Variants in COL4A2 observed in about 807,000 individuals in gnomAD.
COL4A2 encodes the protein collagen type IV alpha 2 chain, also known as collagen alpha-2(IV) chain.
In COL4A2, 99 loss-of-function variants were observed where a neutral mutation model predicts 200.2. The observed-to-expected ratio is 0.49, with a 90% confidence interval of 0.42 to 0.58. COL4A2 has a LOEUF of 0.58. Among genes scored for constraint, COL4A2 ranks in the 20% least tolerant of loss-of-function variants. COL4A2 has a pLI of 0.00. For missense variants in COL4A2, 1,950 were observed against 2,314.1 expected (o/e 0.84, Z 3.23); for synonymous variants, 897 against 900.6 (o/e 1.00, Z 0.07).
chr13:110,408,920 C>T (rs781232011), intron 4 of COL4A2, among the ~76,000 whole-genome samples: 1 of 58,688 alleles, frequency 1.7e-5, no homozygotes, highest in Non-Finnish European at 3.5e-5. Context: ...TACACATGCA[C>T]ACACACGTAC....
rs964088910 is a variant in COL4A2 at position 110,512,932 on chromosome 13, T to A, written c.*741T>A. On this transcript the variant is annotated 3_prime_UTR_variant, in exon 48 of 48. Transcript: ENST00000360467. The stretch of plus-strand genomic sequence containing the variant: ...CACTGCCCCACGTTGTCCCTGAGAT[T>A]TAACCCCTCCACTGCTGGGGGTGAG... 6.6e-6 allele frequency: 1 copy of A among 152,170 alleles called. No individual in the cohort carries two copies. Among genetic ancestry groups the A allele is most frequent in the African/African-American group, 2.4e-5 (1 of 41,416 alleles). The allele number at this position is 152,170 out of a possible 1,614,324, so 9.4% of individuals were successfully genotyped here.
At chr13:110,457,076 G>T (rs1881778690) in intron 20 of COL4A2, 1 of 316,596 alleles carries the variant, frequency 3.2e-6, no homozygotes, top group East Asian at 5.9e-5. Context: ...CCCTGCGTCT[G>T]CGTGGGACCC....
At chr13:110,335,701 G>T (rs1435623873) in intron 3 of COL4A2, among the ~76,000 whole-genome samples, 2 of 152,164 alleles carry the variant, frequency 1.3e-5, no homozygotes, top group African/African-American at 4.8e-5. Flanking sequence ...CCCATCACAT[G>T]ACAAGGCTTG....
intron 12 of COL4A2, 85 bp downstream of exon 12, chr13:110,434,527 C>T: frequency 7.0e-7 from 1 of 1,418,622 alleles, no homozygotes; most frequent in Non-Finnish European, 9.8e-7. Flanking sequence ...AAGTTCTGTG[C>T]TGTAAAACTT....
chr13:110,458,046 C>T (rs1881845986), intron 21 of COL4A2: 2 of 447,184 alleles, frequency 4.5e-6, no homozygotes, highest in East Asian at 7.0e-5. Flanking sequence ...TGCTCCTGCT[C>T]ACCTCTCCCC....
chr13:110,469,209 T>C lies in COL4A2; in HGVS notation c.2096-8T>C. 1.3e-6 allele frequency: 2 copies of C among 1,577,984 alleles called. No individual in the cohort carries two copies. The highest frequency in any genetic ancestry group is 1.8e-5 in the Admixed American group (1 of 54,558). On this transcript the variant is annotated splice_polypyrimidine_tract_variant and splice_region_variant and intron_variant, in intron 27 of 47. Transcript: ENST00000360467. ...CTGATGTGGTTTGTGGTTTATTTGG[T>C]TATTTAGGTGCCAAAGGCCTCCGAG...
At chr13:110,473,456 T>C (rs1489212913) in intron 29 of COL4A2, 28 of 354,012 alleles carry the variant, frequency 7.9e-5, no homozygotes, top group Non-Finnish European at 1.3e-4. Flanking sequence ...GCTCACTGTT[T>C]GTCTTGGCAG....
At chr13:110,444,724 A>G (rs969027335) in intron 16 of COL4A2, among the ~76,000 whole-genome samples, 13 of 152,238 alleles carry the variant, frequency 8.5e-5, no homozygotes, top group African/African-American at 2.9e-4. Flanking sequence ...TCTTTAAAAG[A>G]GGGAATACAT....
chr13:110,493,350 C>G, intron 39 of COL4A2, 68 bp downstream of exon 39: 1 of 1,533,934 alleles, frequency 6.5e-7, no homozygotes, highest in Non-Finnish European at 9.0e-7. Flanking sequence ...TGTGCTGAGT[C>G]TGCCCTCCAG....
intron 30 of COL4A2, among the ~76,000 whole-genome samples, chr13:110,479,841 G>A (rs1399052388): frequency 2.0e-5 from 3 of 152,208 alleles, no homozygotes; most frequent in Non-Finnish European, 2.9e-5. Flanking sequence ...ACTCCGGGCT[G>A]GAGCCAGTGA....
chr13:110,339,785 A>T (rs1210910732), intron 3 of COL4A2, among the ~76,000 whole-genome samples: 4 of 152,224 alleles, frequency 2.6e-5, no homozygotes, highest in Non-Finnish European at 5.9e-5. Flanking sequence ...AGGAGTCAAA[A>T]TAGAGGTGCT....
intron 45 of COL4A2, among the ~76,000 whole-genome samples, chr13:110,505,162 AAC>A (rs1883808184): frequency 6.6e-6 from 1 of 151,502 alleles, no homozygotes; most frequent in African/African-American, 2.4e-5. Context: ...CATCCTGGCT[AAC>A]ACGGTGAAAC....
chr13:110,350,789 G>T (rs1328135091), intron 3 of COL4A2, among the ~76,000 whole-genome samples: 3 of 152,272 alleles, frequency 2.0e-5, no homozygotes, highest in South Asian at 2.1e-4. Flanking sequence ...CTAGCTCCAG[G>T]GTGATGCTGA....
chr13:110,438,058 GC>G (rs758197502), intron 14 of COL4A2, 21 bp downstream of exon 14: 5 of 1,610,400 alleles, frequency 3.1e-6, no homozygotes, highest in Non-Finnish European at 4.2e-6. Flanking sequence ...TAATGAGCAT[GC>G]CCCCTCCCCT....
intron 4 of COL4A2, among the ~76,000 whole-genome samples, chr13:110,363,567 T>C (rs780027608): frequency 5.3e-5 from 8 of 152,144 alleles, no homozygotes; most frequent in Non-Finnish European, 1.2e-4. Context: ...TGGCTCCTGC[T>C]GTCAGCTCAG....
chr13:110,440,652 T>C (rs992724055), intron 16 of COL4A2, among the ~76,000 whole-genome samples: 8 of 152,034 alleles, frequency 5.3e-5, no homozygotes, highest in Non-Finnish European at 1.5e-5. Context: ...TGAATCTAGG[T>C]CAGATTTAGA....
intron 18 of COL4A2, among the ~76,000 whole-genome samples, chr13:110,449,447 G>C (rs1452622560): frequency 6.6e-6 from 1 of 152,150 alleles, no homozygotes; most frequent in Non-Finnish European, 1.5e-5. Context: ...CTTTATTCGA[G>C]CTTTGGACTC....
chr13:110,432,434 A>G (rs1420420588), intron 11 of COL4A2, 74 bp downstream of exon 11: 7 of 1,504,392 alleles, frequency 4.7e-6, no homozygotes, highest in Non-Finnish European at 6.2e-6. Flanking sequence ...GTTTTTTACC[A>G]TAAAACTTCT....
chr13:110,439,765 G>T (rs754979103), intron 15 of COL4A2, 24 bp from the exon 16 acceptor site: 2 of 1,613,662 alleles, frequency 1.2e-6, no homozygotes, highest in African/African-American at 1.3e-5. Context: ...TGAGCTGTTT[G>T]CTTCTGTTTT....
Sources: gnomAD v4.1 joint callset for allele counts (sites outside exome capture counted in the v4.1 genomes callset) on GRCh38, gnomAD v4.1.1 for gene constraint, MANE v1.5 for transcripts, NCBI Gene and HGNC (gene_info 2026-07-23, HGNC 2026-07-21) for gene names.